Variants in SLC25A48 observed in about 807,000 individuals in gnomAD.
The protein encoded by SLC25A48 is CTC-321K16.1.
Under a neutral mutation model 32.2 loss-of-function variants are expected in SLC25A48, and 29 were observed. The observed-to-expected ratio is 0.90, with a 90% CI of 0.67 to 1.23. The LOEUF is 1.23. SLC25A48 is among the 50% of genes most tolerant of loss of function. The pLI is 0.00. For synonymous variants in SLC25A48, 164 were observed against 172.3 expected (o/e 0.95, Z 0.38); for missense variants, 399 against 422.7 (o/e 0.94, Z 0.49).
intron 4 of SLC25A48, among the ~76,000 whole-genome samples, chr5:135,823,444 A>T (rs1757943268): frequency 6.6e-6 from 1 of 152,106 alleles, no homozygotes; most frequent in African/African-American, 2.4e-5. Context: ...ATCACCATGG[A>T]GTCTGATAAA....
At position 135,703,905 on chromosome 5, in the gene SLC25A48, G is replaced by A. The variant is rs555594851; in HGVS notation, c.-521+68949G>A. On this transcript the variant is annotated intron_variant, in intron 3 of 10. Transcript: ENST00000646290. ...GTGCCCTTAAGATCTGGGGGGAAAG[G>A]ACCACAGAGTCATGAGCACCCTCTT... Among the ~76,000 whole-genome samples, 15 of 152,288 alleles carry A rather than the reference G, an allele frequency of 9.8e-5. No homozygotes were observed. In the South Asian group the frequency reaches 2.9e-3, roughly 29 times the overall value.
chr5:135,813,059 G>A (rs17169150), intron 4 of SLC25A48: 10,203 of 152,306 alleles, frequency 0.067, 811 homozygotes, highest in African/African-American at 0.19. Context: ...CGGGGTTGTT[G>A]GGATACCACT....
intron 3 of SLC25A48, among the ~76,000 whole-genome samples, chr5:135,786,560 T>TG (rs530798698): frequency 1.0e-3 from 159 of 152,258 alleles, no homozygotes; most frequent in African/African-American, 3.6e-3. Context: ...TTTTATTGTT[T>TG]ATGATACTAT....
intron 3 of SLC25A48, among the ~76,000 whole-genome samples, chr5:135,712,737 G>A (rs920603367): frequency 2.6e-5 from 4 of 152,204 alleles, no homozygotes; most frequent in African/African-American, 4.8e-5. Flanking sequence ...TGCTCAGACC[G>A]CATCTGCCCC....
Position 135,788,381 on chromosome 5 carries a change from T to C in SLC25A48, c.-520-24142T>C, listed in dbSNP as rs1195560158. ...GTACACCCCCCCGCCATATGGTCCA[T>C]AGTATCCAGGGAATTGAGAGGGTGA... On this transcript the variant is annotated intron_variant, in intron 3 of 10. Transcript: ENST00000646290. 2.7e-5 allele frequency among the ~76,000 whole-genome samples: 4 copies of C among 149,182 alleles called. No individual in the cohort carries two copies. In the East Asian group the frequency reaches 8.2e-4, roughly 31 times the overall value.
intron 3 of SLC25A48, among the ~76,000 whole-genome samples, chr5:135,731,623 G>A (rs1755224614): frequency 2.0e-5 from 3 of 152,158 alleles, no homozygotes. Context: ...TAGAATGATT[G>A]GTGATGGCCT....
At chr5:135,593,155 C>G (rs1268674784) in intron 1 of SLC25A48, among the ~76,000 whole-genome samples, 2 of 152,144 alleles carry the variant, frequency 1.3e-5, no homozygotes, top group Non-Finnish European at 2.9e-5. Context: ...CATTGTTCCC[C>G]CCACACCCCT....
At chr5:135,664,731 C>T (rs1753481124) in intron 3 of SLC25A48, among the ~76,000 whole-genome samples, 1 of 152,126 alleles carries the variant, frequency 6.6e-6, no homozygotes, top group African/African-American at 2.4e-5. Context: ...GCCTCCAGCT[C>T]CATCTAAGTT....
intron 3 of SLC25A48, among the ~76,000 whole-genome samples, chr5:135,647,208 C>G (rs1342843300): frequency 6.6e-6 from 1 of 152,146 alleles, no homozygotes; most frequent in Non-Finnish European, 1.5e-5. Flanking sequence ...TAAAAAATCT[C>G]AGAAGCCAAC....
intron 3 of SLC25A48, among the ~76,000 whole-genome samples, chr5:135,691,889 C>A (rs977042012): frequency 1.3e-5 from 2 of 152,126 alleles, no homozygotes; most frequent in Non-Finnish European, 2.9e-5. Context: ...ATCATCTGGC[C>A]CTTGCTCAAG....
intron 3 of SLC25A48, chr5:135,803,050 T>C (rs1757372733): frequency 6.6e-6 from 1 of 151,544 alleles, no homozygotes; most frequent in Admixed American, 6.6e-5. Context: ...ACTCTTAATA[T>C]CACAGTGGGT....
chr5:135,604,510 C>T (rs1044410151), intron 1 of SLC25A48, among the ~76,000 whole-genome samples: 1 of 152,212 alleles, frequency 6.6e-6, no homozygotes, highest in Non-Finnish European at 1.5e-5. Flanking sequence ...CTGTAGCCAA[C>T]GGCTCCTTGC....
intron 4 of SLC25A48, among the ~76,000 whole-genome samples, chr5:135,863,087 G>A (rs1490874946): frequency 6.6e-6 from 1 of 152,130 alleles, no homozygotes; most frequent in Non-Finnish European, 1.5e-5. Context: ...ACAGGTGGCA[G>A]ATGCAGAGGC....
At chr5:135,748,084 C>A (rs1199217870) in intron 3 of SLC25A48, among the ~76,000 whole-genome samples, 3 of 152,160 alleles carry the variant, frequency 2.0e-5, no homozygotes, top group Non-Finnish European at 1.5e-5. Context: ...GATGGGCCAT[C>A]AGCAAAGGCC....
At chr5:135,873,140 C>T (rs144213534) in intron 5 of SLC25A48, among the ~76,000 whole-genome samples, 1 of 152,312 alleles carries the variant, frequency 6.6e-6, no homozygotes, top group East Asian at 1.9e-4. Context: ...TTTAGAGAGG[C>T]TCCTGGAGGA....
chr5:135,586,754 G>C (rs910124793), intron 1 of SLC25A48, among the ~76,000 whole-genome samples: 1 of 152,150 alleles, frequency 6.6e-6, no homozygotes, highest in African/African-American at 2.4e-5. Flanking sequence ...GTAGGGCAGG[G>C]ATCTGGGCAG....
intron 4 of SLC25A48, among the ~76,000 whole-genome samples, chr5:135,857,861 C>T (rs928561948): frequency 6.6e-6 from 1 of 152,076 alleles, no homozygotes; most frequent in Non-Finnish European, 1.5e-5. Context: ...ACCTGGGGAC[C>T]TTCAGATCTC....
intron 3 of SLC25A48, among the ~76,000 whole-genome samples, chr5:135,773,098 G>A (rs1405967213): frequency 2.7e-5 from 4 of 150,462 alleles, no homozygotes; most frequent in South Asian, 2.1e-4. Context: ...TCTCAATATC[G>A]CAGGGGGTGT....
chr5:135,794,924 T>C (rs562740282), intron 3 of SLC25A48, among the ~76,000 whole-genome samples: 71 of 149,228 alleles, frequency 4.8e-4, no homozygotes, highest in African/African-American at 1.7e-3. Context: ...AAGAAAGTGG[T>C]ATTACTACCA....
Sources: allele counts gnomAD v4.1 joint callset (sites outside exome capture counted in the v4.1 genomes callset), GRCh38; gene constraint gnomAD v4.1.1; transcripts MANE v1.5; gene names NCBI Gene and HGNC (gene_info 2026-07-23, HGNC 2026-07-21).